STK3: variants seen among roughly 807,000 people sequenced by gnomAD.
STK3 encodes the protein serine/threonine kinase 3.
Under a neutral mutation model 58.0 loss-of-function variants are expected in STK3, and 41 were observed. That is an observed-to-expected ratio of 0.71 (90% CI 0.55 to 0.92). The LOEUF (loss-of-function observed/expected upper bound fraction) is 0.92, where lower values mean the gene tolerates loss of function less well. Among genes scored for constraint, STK3 ranks in the 40% least tolerant of loss-of-function variants. The probability of loss-of-function intolerance (pLI) is 0.00; values close to 1 mark genes in which losing one functional copy is unlikely to be tolerated. For missense variants in STK3, 479 were observed against 602.7 expected (o/e 0.79, Z 2.15); for synonymous variants, 170 against 191.0 (o/e 0.89, Z 0.91).
chr8:98,843,878 G>T (rs1332064273), intron 3 of STK3, among the ~76,000 whole-genome samples: 1 of 152,172 alleles, frequency 6.6e-6, no homozygotes, highest in Non-Finnish European at 1.5e-5. Context: ...TTTGCCGGGC[G>T]TGATGGTGCA....
intron 6 of STK3, among the ~76,000 whole-genome samples, chr8:98,672,309 G>A (rs2130848834): frequency 6.6e-6 from 1 of 152,200 alleles, no homozygotes; most frequent in Non-Finnish European, 1.5e-5. Flanking sequence ...TTGTGCCAAG[G>A]GGCTTGAGGT....
At chr8:98,429,536 TGG>T (rs1185049984) in intron 3 of STK3, 20 of 684,428 alleles carry the variant, frequency 2.9e-5, no homozygotes, top group Middle Eastern at 4.0e-4. Flanking sequence ...GAGAGATGCA[TGG>T]GATATGCACC....
At chr8:98,505,035 T>C (rs1823944354) in intron 10 of STK3, among the ~76,000 whole-genome samples, 1 of 152,210 alleles carries the variant, frequency 6.6e-6, no homozygotes, top group Non-Finnish European at 1.5e-5. Flanking sequence ...ACCAATCAAA[T>C]GTAGATTTGG....
At chr8:98,424,226 G>A (rs964363244) in intron 3 of STK3, among the ~76,000 whole-genome samples, 1 of 152,242 alleles carries the variant, frequency 6.6e-6, no homozygotes, top group Non-Finnish European at 1.5e-5. Flanking sequence ...TAACTGATGT[G>A]CCCCACATTG....
intron 7 of STK3, among the ~76,000 whole-genome samples, chr8:98,589,490 G>A (rs1331691028): frequency 6.6e-6 from 1 of 152,220 alleles, no homozygotes; most frequent in Non-Finnish European, 1.5e-5. Context: ...GAGAACCACT[G>A]CTCTCTTCAA....
chr8:98,847,533 T>A (rs564123784), intron 3 of STK3, among the ~76,000 whole-genome samples: 2 of 152,248 alleles, frequency 1.3e-5, no homozygotes, highest in South Asian at 2.1e-4. Context: ...TGTTCCTGGC[T>A]GTGTCCCAAC....
intron 1 of STK3, among the ~76,000 whole-genome samples, chr8:98,786,798 G>A (rs533267465): frequency 6.6e-6 from 1 of 152,126 alleles, no homozygotes; most frequent in African/African-American, 2.4e-5. Context: ...GACAACAACT[G>A]TGAGATAATA....
intron 10 of STK3, among the ~76,000 whole-genome samples, chr8:98,466,165 GATTA>G (rs1025846625): frequency 2.0e-5 from 3 of 152,060 alleles, no homozygotes; most frequent in Non-Finnish European, 4.4e-5. Flanking sequence ...CAAATTAAGT[GATTA>G]ATTTTCTTTT....
chr8:98,372,933 C>T (rs1030067653), intron 2 of STK3, among the ~76,000 whole-genome samples: 2 of 152,192 alleles, frequency 1.3e-5, no homozygotes, highest in Non-Finnish European at 1.5e-5. Context: ...AGATAATGTG[C>T]ATGAAGTAAC....
chr8:98,531,381 G>A (rs974333054), intron 9 of STK3, among the ~76,000 whole-genome samples: 2 of 152,148 alleles, frequency 1.3e-5, no homozygotes, highest in Non-Finnish European at 2.9e-5. Flanking sequence ...CATTCTCACT[G>A]AGCAGTAACA....
intron 2 of STK3, among the ~76,000 whole-genome samples, chr8:98,376,351 A>G (rs1340764640): frequency 1.3e-5 from 2 of 151,998 alleles, no homozygotes; most frequent in Non-Finnish European, 2.9e-5. Flanking sequence ...ATTTGCAAAT[A>G]TTTTCTCCTA....
intron 1 of STK3, chr8:98,782,593 C>T: frequency 3.6e-6 from 1 of 281,202 alleles, no homozygotes; most frequent in Admixed American, 4.2e-5. Flanking sequence ...AAGAGAGCAT[C>T]AAGACTTTGT....
intron 6 of STK3, among the ~76,000 whole-genome samples, chr8:98,676,212 G>A (rs1410049911): frequency 1.3e-5 from 2 of 152,236 alleles, no homozygotes; most frequent in African/African-American, 2.4e-5. Flanking sequence ...AGAGGAGAAA[G>A]TAGTAGGAAG....
At chr8:98,829,531 T>G (rs1835447944), upstream of STK3, among the ~76,000 whole-genome samples, 1 of 152,178 alleles carries the variant, frequency 6.6e-6, no homozygotes, top group African/African-American at 2.4e-5. Context: ...GATCAGACAC[T>G]AGGCCTCCAT....
intron 1 of STK3, among the ~76,000 whole-genome samples, chr8:98,823,879 G>T (rs1237322789): frequency 1.3e-5 from 2 of 152,058 alleles, no homozygotes. Context: ...TAAATTTCCT[G>T]GCAAACAGGA....
chr8:98,808,794 T>A (rs1393194371), intron 1 of STK3, among the ~76,000 whole-genome samples: 2 of 152,190 alleles, frequency 1.3e-5, no homozygotes, highest in Admixed American at 6.5e-5. Context: ...CAAACATATT[T>A]GAGCTTATGC....
chr8:98,501,465 A>G (rs753583745), intron 10 of STK3, among the ~76,000 whole-genome samples: 1 of 152,194 alleles, frequency 6.6e-6, no homozygotes, highest in Non-Finnish European at 1.5e-5. Context: ...TGTTTTAGTC[A>G]TAAAGTTCTT....
At chr8:98,915,667 G>C (rs1168489540) in intron 1 of STK3, among the ~76,000 whole-genome samples, 1 of 151,600 alleles carries the variant, frequency 6.6e-6, no homozygotes, top group African/African-American at 2.4e-5. Context: ...GTGTGTGTTT[G>C]TGTGTGCGTG....
At chr8:98,435,774 G>A (rs928531698) in intron 2 of STK3, among the ~76,000 whole-genome samples, 9 of 152,278 alleles carry the variant, frequency 5.9e-5, no homozygotes, top group South Asian at 2.1e-4. Flanking sequence ...CACAGAGCGG[G>A]TGTGCAGTGG....
Sources: gnomAD v4.1 joint callset for allele counts (sites outside exome capture counted in the v4.1 genomes callset) on GRCh38, gnomAD v4.1.1 for gene constraint, MANE v1.5 for transcripts, NCBI Gene and HGNC (gene_info 2026-07-23, HGNC 2026-07-21) for gene names.